Variants in PTPRO observed in about 807,000 individuals in gnomAD.
PTPRO encodes protein tyrosine phosphatase receptor type O.
A neutral mutation model predicts 145.2 loss-of-function variants in PTPRO; 62 were observed. The ratio of observed to expected loss-of-function variants is 0.43; its 90% CI spans 0.35 to 0.53. The LOEUF (loss-of-function observed/expected upper bound fraction) is 0.53, where lower values mean the gene tolerates loss of function less well. PTPRO is among the 20% of genes least tolerant of loss of function. The pLI is 0.01. For missense variants in PTPRO, 1,345 were observed against 1,482.7 expected (o/e 0.91, Z 1.53); for synonymous variants, 565 against 514.7 (o/e 1.10, Z -1.32).
chr12:15,471,940 A>G (rs1414945148), intron 1 of PTPRO, among the ~76,000 whole-genome samples: 1 of 152,204 alleles, frequency 6.6e-6, no homozygotes, highest in African/African-American at 2.4e-5. Context: ...AAGAAACTGA[A>G]AAGAAAGAAT....
intron 1 of PTPRO, among the ~76,000 whole-genome samples, chr12:15,435,538 T>C (rs1451626762): frequency 4.0e-5 from 6 of 151,420 alleles, no homozygotes. Context: ...ATTATCTTAG[T>C]AAATAAATTA....
At chr12:15,418,730 A>G (rs1940051350) in intron 1 of PTPRO, among the ~76,000 whole-genome samples, 1 of 151,770 alleles carries the variant, frequency 6.6e-6, no homozygotes, top group South Asian at 2.1e-4. Context: ...CGTCAGCCAA[A>G]GGCTGAGGCA....
chr12:15,513,091 A>T lies in PTPRO; in HGVS notation c.1465-2407A>T, dbSNP rs568536745. ...AAGAAGGAAAGAAAGAAAGAAAGAA[A>T]GAAGAAAGAAAGAAAGAAAGGAAGG... On this transcript the variant is annotated intron_variant, in intron 7 of 26. Transcript: ENST00000281171. 1.0e-4 allele frequency among the ~76,000 whole-genome samples: 3 copies of T among 29,418 alleles called. 1 individual carries two copies. In the Admixed American group the frequency reaches 1.7e-3, roughly 16 times the overall value. The allele number at this position is 29,418 out of a possible 152,430, so 19.3% of individuals were successfully genotyped here. A position where few individuals can be genotyped will look rare whatever the true frequency, so the allele number is the denominator to read the frequency against.
chr12:15,468,382 A>G lies in PTPRO; in HGVS notation c.76-15592A>G, dbSNP rs569722381. Among the ~76,000 whole-genome samples the G allele has an allele frequency of 2.0e-5, 3 of 152,314 alleles. No homozygotes were observed. The South Asian group carries it at 6.2e-4, about 32-fold the overall frequency. ...GCCTCTAACTTTTTTAGAAGGGTCT[A>G]CAAAGTTTCCCATGATGCCACCTCT... On this transcript the variant is annotated intron_variant, in intron 1 of 26. Coordinates refer to ENST00000281171, the MANE Select transcript of PTPRO (RefSeq NM_030667.3).
chr12:15,379,819 T>C (rs185554256), intron 1 of PTPRO, among the ~76,000 whole-genome samples: 111 of 152,234 alleles, frequency 7.3e-4, no homozygotes, highest in African/African-American at 2.3e-3. Context: ...GGTTTCTTTT[T>C]GGGGTGATGA....
chr12:15,586,909 C>T lies in PTPRO; in HGVS notation c.3268C>T (p.Gln1090Ter). 6.2e-7 allele frequency: 1 copy of T among 1,613,960 alleles called. No individual in the cohort carries two copies. The highest frequency in any genetic ancestry group is 8.5e-7 in the Non-Finnish European group (1 of 1,179,956). The change falls in exon 24 of 27, where the codon CAG becomes TAG. Residue 1090 changes from glutamine to a stop codon, truncating the protein, a stop_gained. Transcript: ENST00000281171. LOFTEE classifies it high-confidence loss of function. ...TTTTTCTCTAAAGGCTGACGAGATG[C>T]AGGATGTGATGCATTTTAACTACAC... ...HFRINYADEM[Q>*]DVMHFNYTAW...
At chr12:15,569,906 A>G (rs912186469) in intron 19 of PTPRO, among the ~76,000 whole-genome samples, 2 of 151,882 alleles carry the variant, frequency 1.3e-5, no homozygotes, top group Non-Finnish European at 2.9e-5. Flanking sequence ...GATAAAACTG[A>G]CCCCCTTTGT....
chr12:15,495,367 T>G (rs1056487294), intron 2 of PTPRO, among the ~76,000 whole-genome samples: 1 of 149,368 alleles, frequency 6.7e-6, no homozygotes, highest in African/African-American at 2.5e-5. Flanking sequence ...ATAAAATACA[T>G]TCAGCTACAG....
At chr12:15,579,659 G>A (rs1944266605) in intron 20 of PTPRO, among the ~76,000 whole-genome samples, 1 of 152,142 alleles carries the variant, frequency 6.6e-6, no homozygotes, top group South Asian at 2.1e-4. Context: ...TGTTCTCTAG[G>A]TCTCCTTAAA....
At chr12:15,572,330 C>A (rs1399184376) in intron 19 of PTPRO, among the ~76,000 whole-genome samples, 1 of 152,148 alleles carries the variant, frequency 6.6e-6, no homozygotes, top group Non-Finnish European at 1.5e-5. Context: ...TAAGTTTTCC[C>A]AGTGTTCCTA....
chr12:15,550,803 A>C (rs1048051957), intron 14 of PTPRO, among the ~76,000 whole-genome samples: 2 of 152,212 alleles, frequency 1.3e-5, no homozygotes, highest in Non-Finnish European at 2.9e-5. Flanking sequence ...CCCATTTTAA[A>C]GAGTTTTATA....
In PTPRO at chr12:15,504,029, T is replaced by C; in HGVS notation, c.1227T>C (p.Thr409=). 1 of 1,613,244 alleles carries C rather than the reference T, an allele frequency of 6.2e-7. No individual in the cohort carries two copies. Among genetic ancestry groups the C allele is most frequent in the Non-Finnish European group, 8.5e-7 (1 of 1,179,344 alleles). The part of the protein sequence containing the change: ...TTFSSSGSCE[T]RKSQSAKSLS... Reference sequence around the variant, plus strand: ...TTAGTTCCTCAGGATCTTGTGAAACTCGAAAAAGTCAGTCAGCAAAATCAC... The same window carrying C: ...TTAGTTCCTCAGGATCTTGTGAAACCCGAAAAAGTCAGTCAGCAAAATCAC... Residue 409 remains threonine (T), a synonymous_variant, in exon 6 of 27, where the codon ACT becomes ACC. Coordinates refer to ENST00000281171, the MANE Select transcript of PTPRO (RefSeq NM_030667.3).
intron 1 of PTPRO, among the ~76,000 whole-genome samples, chr12:15,378,009 A>C (rs1938738798): frequency 1.3e-5 from 2 of 152,112 alleles, no homozygotes; most frequent in South Asian, 4.1e-4. Flanking sequence ...CTTAGAGAGA[A>C]ATTTACATCT....
chr12:15,363,002 T>C (rs1374416681), intron 1 of PTPRO, among the ~76,000 whole-genome samples: 3 of 152,164 alleles, frequency 2.0e-5, no homozygotes, highest in Non-Finnish European at 4.4e-5. Flanking sequence ...CTTTTTAAAC[T>C]TAGTAATTCA....
chr12:15,360,904 A>G (rs1938178153), intron 1 of PTPRO, among the ~76,000 whole-genome samples: 2 of 141,776 alleles, frequency 1.4e-5, no homozygotes, highest in African/African-American at 5.2e-5. Context: ...ATATACACAC[A>G]CATATATACA....
chr12:15,419,606 C>G (rs1031852948), intron 1 of PTPRO, among the ~76,000 whole-genome samples: 1 of 151,670 alleles, frequency 6.6e-6, no homozygotes, highest in Non-Finnish European at 1.5e-5. Flanking sequence ...AATTAATAAA[C>G]AGACTACAGC....
intron 1 of PTPRO, among the ~76,000 whole-genome samples, chr12:15,343,349 C>T (rs902633881): frequency 1.3e-5 from 2 of 151,900 alleles, no homozygotes; most frequent in African/African-American, 2.4e-5. Flanking sequence ...TTGCATTTTA[C>T]GTTAAATGTC....
At chr12:15,536,246 T>C (rs1180666359) in intron 12 of PTPRO, among the ~76,000 whole-genome samples, 2 of 151,762 alleles carry the variant, frequency 1.3e-5, no homozygotes, top group African/African-American at 4.8e-5. Context: ...TGGAGAAAAG[T>C]GAAAGAGGAA....
At chr12:15,418,765 A>T (rs1940052304) in intron 1 of PTPRO, among the ~76,000 whole-genome samples, 1 of 151,794 alleles carries the variant, frequency 6.6e-6, no homozygotes, top group Non-Finnish European at 1.5e-5. Context: ...GGAAGTGTTA[A>T]GAATTATGGA....
Sources: allele counts gnomAD v4.1 joint callset (sites outside exome capture counted in the v4.1 genomes callset), GRCh38; gene constraint gnomAD v4.1.1; transcripts MANE v1.5; gene names NCBI Gene and HGNC (gene_info 2026-07-23, HGNC 2026-07-21).